Variants in SPIN2A observed in about 807,000 individuals in gnomAD.
The protein encoded by SPIN2A is spindlin-2A.
SPIN2A carries 4 observed loss-of-function variants against 9.2 expected under a neutral mutation model. The observed-to-expected ratio is 0.44, with a 90% CI of 0.21 to 1.00. The LOEUF (loss-of-function observed/expected upper bound fraction) is 1.00. Among genes scored for constraint, SPIN2A ranks in the 50% least tolerant of loss-of-function variants. The pLI is 0.26. For missense variants in SPIN2A, 77 were observed against 172.8 expected, an observed-to-expected ratio of 0.45 and a Z score of 3.11; for synonymous variants, 25 against 61.2, an observed-to-expected ratio of 0.41 and a Z score of 2.76.
chrX:57,141,641 C>A (rs185582371), upstream of SPIN2A, among the ~76,000 whole-genome samples: 1 of 111,532 alleles, frequency 9.0e-6, no homozygotes, highest in Non-Finnish European at 1.9e-5. Context: ...TTTTCTATTT[C>A]TTTATGGTTC....
At chrX:57,137,497 G>T (rs1045814142), upstream of SPIN2A, 7 of 206,151 alleles carry the variant, frequency 3.4e-5, 1 homozygote, top group Non-Finnish European at 5.1e-5. Context: ...AGTCCCTGAT[G>T]CAGTGGCTGT....
chrX:57,138,515 A>T (rs1486312185), upstream of SPIN2A, among the ~76,000 whole-genome samples: 2 of 110,981 alleles, frequency 1.8e-5, no homozygotes, highest in Non-Finnish European at 1.9e-5. Flanking sequence ...AGTGCTGCAA[A>T]TAAATATGTG....
chrX:57,137,120 T>C (rs1334704997), intron 1 of SPIN2A, 140 bp downstream of exon 1: 1 of 765,313 alleles, frequency 1.3e-6, no homozygotes, highest in Non-Finnish European at 1.5e-6. Flanking sequence ...ACCCCACCCT[T>C]GCCTGGCGCC....
chrX:57,143,323 G>A, the SPIN2A span, among the ~76,000 whole-genome samples: 2 of 110,403 alleles, frequency 1.8e-5, no homozygotes, highest in African/African-American at 3.3e-5. Context: ...CTATTCTAAC[G>A]AATTGCTTTA....
chrX:57,137,852 T>C (rs10126276), upstream of SPIN2A, among the ~76,000 whole-genome samples: 13,538 of 111,180 alleles, frequency 0.12, 1,940 homozygotes, highest in African/African-American at 0.41. Flanking sequence ...TACGACCATA[T>C]GCAAATGTGT....
intron 1 of SPIN2A, chrX:57,136,903 G>A (rs1927806246): frequency 2.9e-6 from 2 of 690,872 alleles, no homozygotes. Context: ...ACTGCCACTA[G>A]CATCCACTCC....
At chrX:57,135,623 C>G, downstream of SPIN2A, 2 of 950,750 alleles carry the variant, frequency 2.1e-6, no homozygotes, top group Non-Finnish European at 2.8e-6. Flanking sequence ...AACTTTTCAA[C>G]AAGACAAAGG....
chrX:57,137,173 C>T (rs1476244474), intron 1 of SPIN2A, 87 bp downstream of exon 1: 2 of 761,259 alleles, frequency 2.6e-6, no homozygotes, highest in Non-Finnish European at 3.1e-6. Context: ...TCCCATCCCC[C>T]TCTCCATTCT....
At chrX:57,140,995 G>A (rs1169049824), upstream of SPIN2A, among the ~76,000 whole-genome samples, 2 of 111,925 alleles carry the variant, frequency 1.8e-5, no homozygotes, top group East Asian at 2.8e-4. Context: ...TGTGGTAAAA[G>A]CAGTCATTTT....
At chrX:57,145,365 A>G in the SPIN2A span, among the ~76,000 whole-genome samples, 5 of 110,853 alleles carry the variant, frequency 4.5e-5, no homozygotes, top group Non-Finnish European at 5.7e-5. Flanking sequence ...TCTTTTGAGA[A>G]TTGTGTATTT....
At chrX:57,138,378 A>G (rs1264295121), upstream of SPIN2A, among the ~76,000 whole-genome samples, 1 of 110,945 alleles carries the variant, frequency 9.0e-6, no homozygotes, top group African/African-American at 3.3e-5. Context: ...AAAGTTAAAT[A>G]AGTGTTAGGT....
upstream of SPIN2A, among the ~76,000 whole-genome samples, chrX:57,138,776 C>T (rs751354649): frequency 2.7e-5 from 3 of 111,599 alleles, no homozygotes; most frequent in South Asian, 1.1e-3. Context: ...AAGATGATAT[C>T]TCATTGCTAT....
At chrX:57,135,553 T>C, downstream of SPIN2A, 1 of 460,647 alleles carries the variant, frequency 2.2e-6, no homozygotes, top group East Asian at 4.4e-5. Flanking sequence ...CTGAACTTTA[T>C]TCACAGCCGA....
At chrX:57,142,301 G>A (rs1602032386), upstream of SPIN2A, among the ~76,000 whole-genome samples, 1 of 111,224 alleles carries the variant, frequency 9.0e-6, no homozygotes, top group Non-Finnish European at 1.9e-5. Flanking sequence ...GGTATGTTGT[G>A]CTTTCATTTT....
the SPIN2A span, among the ~76,000 whole-genome samples, chrX:57,145,253 T>TG: frequency 2.7e-3 from 280 of 102,900 alleles, 2 homozygotes; most frequent in African/African-American, 7.9e-3. Flanking sequence ...ATCATTCTTT[T>TG]GGGGGGGGGT....
At position 57,136,210 on chromosome X, in the gene SPIN2A, C is replaced by A. The variant is rs750173192; in HGVS notation, c.388G>T (p.Gly130Cys). ...SDANLANTIIGKAVEHMFEGE... is the reference protein window; with the variant it reads ...SDANLANTIICKAVEHMFEGE... Reference sequence around the variant, plus strand: ...TCAAACATGTGTTCCACTGCTTTGCCAATTATGGTATTTGCAAGGTTGGCA... The same window carrying A: ...TCAAACATGTGTTCCACTGCTTTGCAAATTATGGTATTTGCAAGGTTGGCA... Residue 130 changes from glycine to cysteine, a missense_variant, in exon 2 of 2, where the codon GGC (glycine) becomes TGC (cysteine). Physicochemically the swap from Gly to Cys is radical, Grantham distance 159 (BLOSUM62 -3). Around this residue, in one of 4 missense-constraint regions of SPIN2A, gnomAD observed 17 missense variants for 19.9 expected, o/e 0.85. Coordinates refer to ENST00000374906, the MANE Select transcript of SPIN2A (RefSeq NM_019003.5). 1.1e-5 allele frequency: 13 copies of A among 1,210,277 alleles called. No individual in the cohort carries two copies. The highest frequency in any genetic ancestry group is 1.7e-5 in the African/African-American group (1 of 57,338).
At chrX:57,135,317 C>A (rs556254000), downstream of SPIN2A, 2 of 134,722 alleles carry the variant, frequency 1.5e-5, no homozygotes, top group African/African-American at 6.5e-5. Context: ...GCCCCAAGAT[C>A]TCACTCTCCC....
chrX:57,142,640 T>C, the SPIN2A span, among the ~76,000 whole-genome samples: 1 of 111,559 alleles, frequency 9.0e-6, no homozygotes, highest in Non-Finnish European at 1.9e-5. Context: ...TGGTGCAGAT[T>C]AAGTCTGATA....
chrX:57,144,306 T>C, the SPIN2A span, among the ~76,000 whole-genome samples: 1 of 110,213 alleles, frequency 9.1e-6, no homozygotes, highest in Non-Finnish European at 1.9e-5. Flanking sequence ...TTAGTTTGAG[T>C]CTTCTTGGTG....
Sources: allele counts gnomAD v4.1 joint callset (sites outside exome capture counted in the v4.1 genomes callset), GRCh38; gene constraint gnomAD v4.1.1; regional missense constraint gnomAD v4.1.1; transcripts MANE v1.5; gene names NCBI Gene and HGNC (gene_info 2026-07-23, HGNC 2026-07-21).